The following OLFML2B variants were observed in gnomAD, a reference collection of about 807,000 sequenced individuals.
The protein encoded by OLFML2B is olfactomedin like 2B, also known as olfactomedin-like protein 2B.
A neutral mutation model predicts 74.9 loss-of-function variants in OLFML2B; 57 were observed. The observed-to-expected ratio is 0.76, with a 90% CI of 0.61 to 0.95. OLFML2B has a LOEUF of 0.95. Ranked by LOEUF, OLFML2B falls within the 40% of genes least tolerant of loss-of-function variation. The pLI, the probability that OLFML2B is intolerant of heterozygous loss-of-function variation, is 0.00. For synonymous variants in OLFML2B, 388 were observed against 405.8 expected (o/e 0.96, Z 0.53); for missense variants, 986 against 970.6 (o/e 1.02, Z -0.21).
rs540700382 is a variant in OLFML2B, at chr1:161,992,659, C to T, written c.1474+5166G>A. On this transcript the variant is annotated intron_variant, in intron 6 of 7. Coordinates refer to ENST00000294794, the MANE Select transcript of OLFML2B (RefSeq NM_015441.3). Reference sequence around the variant, plus strand: ...GCCTAATTTCAATATTGTTGTGTGTCACAGAACAGGGAGGCCCAAGGAGTG... The same window carrying T: ...GCCTAATTTCAATATTGTTGTGTGTTACAGAACAGGGAGGCCCAAGGAGTG... Among the ~76,000 whole-genome samples, 4 of 152,234 alleles carry T rather than the reference C, an allele frequency of 2.6e-5. No individual in the cohort carries two copies. In the South Asian group the frequency reaches 8.3e-4, roughly 32 times the overall value.
rs749244560 is a variant in OLFML2B at position 162,019,961 on chromosome 1, G to A, written c.396C>T (p.Phe132=). 1.2e-6 allele frequency: 2 copies of A among 1,614,194 alleles called. No individual in the cohort carries two copies. Among genetic ancestry groups the A allele is most frequent in the South Asian group, 2.2e-5 (2 of 91,090 alleles). ...CTGCCTCCCGCAGCTTCTGGAGCCT[G>A]AAGTCTCCCTCGCAGGGATTGAGGG... The part of the protein sequence containing the change: ...PSALNPCEGD[F]RLQKLREADS... Residue 132 remains phenylalanine, a synonymous_variant, in exon 2 of 8, where the codon TTC becomes TTT. Transcript: ENST00000294794.
chr1:162,003,683 C>T (rs985579379), intron 4 of OLFML2B, among the ~76,000 whole-genome samples: 5 of 152,172 alleles, frequency 3.3e-5, no homozygotes, highest in Non-Finnish European at 7.4e-5. Flanking sequence ...CCCAACCCAG[C>T]CCCCAGAGCC....
intron 5 of OLFML2B, among the ~76,000 whole-genome samples, chr1:161,999,788 T>C (rs1690030300): frequency 6.6e-6 from 1 of 152,144 alleles, no homozygotes; most frequent in South Asian, 2.1e-4. Context: ...ACCTTGTGGC[T>C]CTAAGCAAGT....
chr1:161,987,780 G>A (rs776845494), intron 6 of OLFML2B, among the ~76,000 whole-genome samples: 32 of 152,296 alleles, frequency 2.1e-4, no homozygotes, highest in South Asian at 6.2e-4. Flanking sequence ...GGGAGTCCCC[G>A]CTTGCATTTT....
At chr1:162,023,204 G>A in intron 1 of OLFML2B, 53 bp downstream of exon 1, 1 of 1,431,248 alleles carries the variant, frequency 7.0e-7, no homozygotes, top group Non-Finnish European at 9.3e-7. Context: ...CCAGCTTCTG[G>A]CTCTCACCAC....
intron 6 of OLFML2B, among the ~76,000 whole-genome samples, chr1:161,989,634 G>C: frequency 6.6e-6 from 1 of 152,170 alleles, no homozygotes; most frequent in East Asian, 1.9e-4. Flanking sequence ...TTCATTTAAT[G>C]ATCTGCTGTC....
intron 6 of OLFML2B, among the ~76,000 whole-genome samples, chr1:161,986,578 C>G (rs919006863): frequency 1.3e-5 from 2 of 152,192 alleles, no homozygotes; most frequent in Admixed American, 6.5e-5. Flanking sequence ...ACAAAAGAAC[C>G]TCCCTGCCAA....
At chr1:162,004,851 A>T (rs11812028) in intron 4 of OLFML2B, among the ~76,000 whole-genome samples, 65,533 of 152,030 alleles carry the variant, frequency 0.43, 17,165 homozygotes, top group Non-Finnish European at 0.57. Context: ...AGCCGAGGGG[A>T]TCCCTCAATG....
chr1:162,002,067 A>G (rs2101963358), intron 4 of OLFML2B, among the ~76,000 whole-genome samples: 1 of 152,314 alleles, frequency 6.6e-6, no homozygotes, highest in African/African-American at 2.4e-5. Flanking sequence ...TGGTCTGTTC[A>G]GCCAGACTCC....
chr1:161,984,656 A>T, intron 7 of OLFML2B, 148 bp downstream of exon 7: 1 of 817,272 alleles, frequency 1.2e-6, no homozygotes, highest in Non-Finnish European at 2.0e-6. Flanking sequence ...GGGAAGGGGG[A>T]CCGCTCTCCA....
intron 6 of OLFML2B, among the ~76,000 whole-genome samples, chr1:161,986,571 A>C (rs1198022632): frequency 6.6e-6 from 1 of 152,196 alleles, no homozygotes; most frequent in Non-Finnish European, 1.5e-5. Context: ...AAGACAAACA[A>C]AAGAACCTCC....
rs367853973 is a variant in OLFML2B at position 162,023,377 on chromosome 1, G to A, written c.54C>T (p.Ala18=). ...VLYFALIVVP[A]WVSSIVLTGT... ...CTGTGAGGACAATGCTGGACACCCA[G>A]GCCGGAACCACAATCAGAGCGAAGT... Residue 18 remains alanine, a synonymous_variant, in exon 1 of 8, where the codon GCC becomes GCT. Transcript: ENST00000294794. The A allele has an allele frequency of 5.6e-6, 9 of 1,603,818 alleles. No individual in the cohort carries two copies. The highest frequency in any genetic ancestry group is 7.7e-6 in the Non-Finnish European group (9 of 1,174,016).
intron 4 of OLFML2B, 63 bp downstream of exon 4, chr1:162,006,234 A>C: frequency 1.4e-6 from 2 of 1,448,416 alleles, no homozygotes; most frequent in Admixed American, 2.5e-5. Context: ...TATGCAGAGG[A>C]GAGATGCTGA....
At chr1:161,995,643 C>A (rs971804715) in intron 6 of OLFML2B, among the ~76,000 whole-genome samples, 2 of 152,162 alleles carry the variant, frequency 1.3e-5, no homozygotes, top group African/African-American at 4.8e-5. Context: ...GAGTGAACAA[C>A]TCACTCCTGG....
At chr1:162,011,498 G>A (rs1690386187) in intron 3 of OLFML2B, among the ~76,000 whole-genome samples, 3 of 152,252 alleles carry the variant, frequency 2.0e-5, no homozygotes, top group African/African-American at 7.2e-5. Flanking sequence ...AGCTGGGGAA[G>A]AGAACAGCTG....
At chr1:162,022,507 C>T (rs1690743387) in intron 1 of OLFML2B, among the ~76,000 whole-genome samples, 1 of 152,086 alleles carries the variant, frequency 6.6e-6, no homozygotes, top group African/African-American at 2.4e-5. Flanking sequence ...CCTCGGCCTC[C>T]CAAAGTGCTG....
At chr1:162,011,409 C>T (rs568256098) in intron 3 of OLFML2B, among the ~76,000 whole-genome samples, 17 of 152,306 alleles carry the variant, frequency 1.1e-4, no homozygotes, top group African/African-American at 3.8e-4. Context: ...AACCTTTGCA[C>T]CCTCCAGGAG....
intron 1 of OLFML2B, 146 bp from the exon 2 acceptor site, chr1:162,020,328 A>G: frequency 1.1e-6 from 1 of 885,086 alleles, no homozygotes; most frequent in African/African-American, 1.7e-5. Flanking sequence ...TAGGTCACTG[A>G]GATGCAGTTT....
intron 6 of OLFML2B, among the ~76,000 whole-genome samples, chr1:161,993,590 C>A (rs751947028): frequency 2.0e-4 from 30 of 152,266 alleles, no homozygotes; most frequent in Non-Finnish European, 3.7e-4. Context: ...AGCATCGAGT[C>A]CCTACTTCTC....
Sources: gnomAD v4.1 joint callset for allele counts (sites outside exome capture counted in the v4.1 genomes callset) on GRCh38, gnomAD v4.1.1 for gene constraint, MANE v1.5 for transcripts, NCBI Gene and HGNC (gene_info 2026-07-23, HGNC 2026-07-21) for gene names.